Variants in KIAA0232 observed in about 807,000 individuals in gnomAD.
KIAA0232 encodes KIAA0232.
In KIAA0232, 27 loss-of-function variants were observed where a neutral mutation model predicts 122.0. The observed-to-expected ratio is 0.22, with a 90% CI of 0.16 to 0.31. The LOEUF (loss-of-function observed/expected upper bound fraction) is 0.31. KIAA0232 is among the 10% of genes least tolerant of loss of function. The pLI is 1.00. For missense variants in KIAA0232, 1,551 were observed against 1,634.2 expected, an observed-to-expected ratio of 0.95 and a Z score of 0.88; for synonymous variants, 613 against 587.6, an observed-to-expected ratio of 1.04 and a Z score of -0.63.
chr4:6,804,651 T>G (rs1363223182), intron 2 of KIAA0232, 45 bp downstream of exon 2: 1 of 152,204 alleles, frequency 6.6e-6, no homozygotes, highest in East Asian at 1.9e-4. Context: ...TGTGGAAGTT[T>G]CTGATACCAT....
At chr4:6,798,354 C>G (rs1717228359) in intron 1 of KIAA0232, among the ~76,000 whole-genome samples, 1 of 152,164 alleles carries the variant, frequency 6.6e-6, no homozygotes, top group Non-Finnish European at 1.5e-5. Flanking sequence ...AGCCTAGGTA[C>G]TTAAGGCATG....
chr4:6,824,304 T>G lies in KIAA0232; in HGVS notation c.-150T>G. ...CATGCCTGAAGAGGGAAAGTCTGTT[T>G]TAGGTGGCTGACTACCAGCAAAAAT... is the stretch of plus-strand genomic sequence containing the variant. On this transcript the variant is annotated 5_prime_UTR_variant, in exon 3 of 10. Coordinates refer to ENST00000307659, the MANE Select transcript of KIAA0232 (RefSeq NM_014743.3). The G allele has an allele frequency of 1.5e-6, 1 of 674,024 alleles. No homozygotes were observed. Among genetic ancestry groups the G allele is most frequent in the Non-Finnish European group, 2.7e-6 (1 of 374,294 alleles). The allele number at this position is 674,024 out of a possible 1,614,324, so 41.8% of individuals were successfully genotyped here.
chr4:6,794,046 G>C (rs2108887428), intron 1 of KIAA0232, among the ~76,000 whole-genome samples: 1 of 152,326 alleles, frequency 6.6e-6, no homozygotes, highest in South Asian at 2.1e-4. Flanking sequence ...GGATGGATTA[G>C]ACATCCAGGA....
chr4:6,876,169 G>A (rs1721741297), intron 8 of KIAA0232, among the ~76,000 whole-genome samples: 1 of 152,194 alleles, frequency 6.6e-6, no homozygotes, highest in South Asian at 2.1e-4. Context: ...TGTTGTTGAG[G>A]AAGAACACAC....
intron 3 of KIAA0232, among the ~76,000 whole-genome samples, chr4:6,841,702 A>G (rs1180884463): frequency 6.6e-6 from 1 of 152,166 alleles, no homozygotes; most frequent in Non-Finnish European, 1.5e-5. Context: ...AAAAAACTCC[A>G]TTTGCAATAG....
intron 2 of KIAA0232, among the ~76,000 whole-genome samples, chr4:6,818,982 C>T (rs1718282462): frequency 6.6e-6 from 1 of 152,088 alleles, no homozygotes; most frequent in Non-Finnish European, 1.5e-5. Context: ...AGGAAAAGGA[C>T]TCCCTATTCA....
Position 6,842,187 on chromosome 4 carries a change from C to A in KIAA0232, c.352C>A (p.Arg118=). The A allele has an allele frequency of 6.2e-7, 1 of 1,601,078 alleles. No homozygotes were observed. Among genetic ancestry groups the A allele is most frequent in the Admixed American group, 1.8e-5 (1 of 57,020 alleles). The change falls in exon 4 of 10, where the codon CGA becomes AGA. Residue 118 remains arginine (R), a synonymous_variant. Transcript: ENST00000307659. ...AAAACAGGCTGCTGTCCAGTGTCTT[C>A]GATCTGCTTCTGATGAAGTAAGTTT... ...MKKQAAVQCL[R]SASDESSGIE...
At position 6,863,925 on chromosome 4, in the gene KIAA0232, A is replaced by G; in HGVS notation, c.3543A>G (p.Lys1181=). 6.2e-7 allele frequency: 1 copy of G among 1,614,114 alleles called. No individual in the cohort carries two copies. The highest frequency in any genetic ancestry group is 8.5e-7 in the Non-Finnish European group (1 of 1,180,018). ...ESGKFLPRLK[K]SGMEKSAQTS... The stretch of plus-strand genomic sequence containing the variant: ...GAAAATTCCTTCCCAGGTTAAAAAA[A>G]TCTGGGATGGAAAAGAGTGCTCAGA... Residue 1181 remains lysine (K), a synonymous_variant, in exon 7 of 10, where the codon AAA becomes AAG. Transcript: ENST00000307659.
intron 3 of KIAA0232, 83 bp downstream of exon 3, chr4:6,824,767 T>A: frequency 8.8e-7 from 1 of 1,141,084 alleles, no homozygotes; most frequent in Non-Finnish European, 1.3e-6. Flanking sequence ...TTTTATACTT[T>A]AAAACTGAGC....
chr4:6,857,512 G>GT (rs541043490), intron 5 of KIAA0232, among the ~76,000 whole-genome samples: 26 of 152,174 alleles, frequency 1.7e-4, no homozygotes, highest in African/African-American at 5.3e-4. Flanking sequence ...TGTTTTTTGG[G>GT]TTTTTTTAAT....
intron 3 of KIAA0232, among the ~76,000 whole-genome samples, chr4:6,839,699 G>A (rs1374018220): frequency 6.6e-6 from 1 of 152,140 alleles, no homozygotes; most frequent in Non-Finnish European, 1.5e-5. Context: ...AGGCCCGCAG[G>A]AAACAGACCC....
chr4:6,853,117 C>T (rs1178997369), intron 4 of KIAA0232, among the ~76,000 whole-genome samples: 2 of 152,194 alleles, frequency 1.3e-5, no homozygotes. Flanking sequence ...GACTGATTCC[C>T]CCATCCCTTT....
intron 1 of KIAA0232, among the ~76,000 whole-genome samples, chr4:6,788,196 T>C (rs1716720378): frequency 6.6e-6 from 1 of 152,100 alleles, no homozygotes. Context: ...TGGCTAATTT[T>C]TTGTAGAGAT....
intron 3 of KIAA0232, among the ~76,000 whole-genome samples, chr4:6,833,563 C>T (rs989523105): frequency 4.6e-5 from 7 of 151,298 alleles, no homozygotes; most frequent in Non-Finnish European, 8.8e-5. Flanking sequence ...CCAGGGAGGT[C>T]GAGGCTGCAG....
At chr4:6,819,130 GA>G (rs1398689831) in intron 2 of KIAA0232, among the ~76,000 whole-genome samples, 4 of 151,814 alleles carry the variant, frequency 2.6e-5, no homozygotes, top group South Asian at 4.2e-4. Context: ...AAAACCCTAG[GA>G]AAAAAACTTG....
chr4:6,867,281 G>T (rs1252531035), intron 7 of KIAA0232, among the ~76,000 whole-genome samples: 1 of 152,190 alleles, frequency 6.6e-6, no homozygotes, highest in African/African-American at 2.4e-5. Context: ...TGTGAAGGTT[G>T]AGGAAGGTTT....
At chr4:6,835,641 C>T (rs889343849) in intron 3 of KIAA0232, among the ~76,000 whole-genome samples, 5 of 152,142 alleles carry the variant, frequency 3.3e-5, no homozygotes, top group Admixed American at 6.5e-5. Flanking sequence ...CAACAGGCCC[C>T]CGGTGTGTGA....
intron 1 of KIAA0232, among the ~76,000 whole-genome samples, chr4:6,799,934 C>T (rs889356058): frequency 6.6e-6 from 1 of 151,596 alleles, no homozygotes; most frequent in Non-Finnish European, 1.5e-5. Context: ...ACATCATGAT[C>T]CCCCCGCCTC....
chr4:6,828,830 G>T (rs997114065), intron 3 of KIAA0232, among the ~76,000 whole-genome samples: 11 of 152,092 alleles, frequency 7.2e-5, no homozygotes, highest in African/African-American at 2.7e-4. Context: ...GAGTAAACTA[G>T]CATGTACTTT....
Sources: allele counts gnomAD v4.1 joint callset (sites outside exome capture counted in the v4.1 genomes callset), GRCh38; gene constraint gnomAD v4.1.1; transcripts MANE v1.5; gene names NCBI Gene and HGNC (gene_info 2026-07-23, HGNC 2026-07-21).